DPM3: variants seen among roughly 807,000 people sequenced by gnomAD.
DPM3 encodes the protein dolichol-phosphate mannosyltransferase subunit 3.
DPM3 carries 7 observed loss-of-function variants against 8.9 expected under a neutral mutation model. The observed-to-expected ratio is 0.79, with a 90% CI of 0.45 to 1.48. The LOEUF (loss-of-function observed/expected upper bound fraction) is 1.48, where lower values mean the gene tolerates loss of function less well. DPM3 is among the 40% of genes most tolerant of loss of function. The pLI is 0.01. For synonymous variants in DPM3, 41 were observed against 56.3 expected (o/e 0.73, Z 1.22); for missense variants, 108 against 116.2 (o/e 0.93, Z 0.33).
chr1:155,140,380 T>C (rs1435040872), intron 1 of DPM3, 111 bp downstream of exon 1: 1 of 918,140 alleles, frequency 1.1e-6, no homozygotes, highest in East Asian at 2.6e-5. Context: ...AGGTCCGAAC[T>C]TGAGTGCCCA....
At position 155,140,072 on chromosome 1, in the gene DPM3, C is replaced by T; in HGVS notation, c.169G>A (p.Val57Met). The change falls in exon 2 of 2, where the codon GTG becomes ATG. Residue 57 changes from valine (V) to methionine (M), a missense_variant. By Grantham distance (21) the Val-to-Met change is conservative (BLOSUM62 1). Transcript: ENST00000368400. ...TGAAAAGTGGCCACACGATAGCCCACAGTGCCCAGGGCATAGCAGCCGGCG... is the reference window on the plus strand; with the variant it reads ...TGAAAAGTGGCCACACGATAGCCCATAGTGCCCAGGGCATAGCAGCCGGCG... Reference protein sequence around the residue: ...VSAGCYALGTVGYRVATFHDC... With the variant: ...VSAGCYALGTMGYRVATFHDC... 6.2e-7 allele frequency: 1 copy of T among 1,614,084 alleles called. No homozygotes were observed. The highest frequency in any genetic ancestry group is 2.2e-5 in the East Asian group (1 of 44,870).
Position 155,140,220 on chromosome 1 carries a change from C to G in DPM3, c.21G>C (p.Trp7Cys), listed in dbSNP as rs1444066075. MTKLAQ[W>C]LWGLAILGST... Reference sequence around the variant, plus strand: ...AGCCCAGGATCGCTAGTCCCCAAAGCCACTGCGCTAATTTCGTCATGGTCA... The same window carrying G: ...AGCCCAGGATCGCTAGTCCCCAAAGGCACTGCGCTAATTTCGTCATGGTCA... Residue 7 changes from tryptophan (W) to cysteine (C), a missense_variant, in exon 2 of 2, where the codon TGG becomes TGC. Transcript: ENST00000368400. 4 of 1,614,116 alleles carry G rather than the reference C, an allele frequency of 2.5e-6. No homozygotes were observed. In the East Asian group the frequency reaches 8.9e-5, roughly 36 times the overall value.
intron 1 of DPM3, 34 bp downstream of exon 1, chr1:155,140,457 C>G (rs1664714302): frequency 5.6e-6 from 4 of 710,370 alleles, no homozygotes; most frequent in Middle Eastern, 7.1e-4. Context: ...CCCCATCTCT[C>G]GCCCTCCCCA....
Position 155,140,528 on chromosome 1 carries a change from T to G in DPM3, c.-43A>C. On this transcript the variant is annotated 5_prime_UTR_variant, in exon 1 of 2. Coordinates refer to ENST00000368400, the MANE Select transcript of DPM3 (RefSeq NM_153741.2). ...TCTCCCCTTCCCCGCGCGGCCCGGA[T>G]GTTGGCGTCCGGAAGTCCTCCCTGG... is the stretch of plus-strand genomic sequence containing the variant. The G allele has an allele frequency of 1.6e-6, 1 of 611,868 alleles. No individual in the cohort carries two copies. 37.9% of individuals were successfully genotyped at this position (611,868 alleles called of 1,614,324 possible).
rs1029570861 is a variant in DPM3, at chr1:155,140,496, C to G, written c.-11G>C. Reference sequence around the variant, plus strand: ...AGCCTTCAACCTACACTTACCTCTACCCCACGTCTCCCCTTCCCCGCGCGG... The same window carrying G: ...AGCCTTCAACCTACACTTACCTCTAGCCCACGTCTCCCCTTCCCCGCGCGG... On this transcript the variant is annotated 5_prime_UTR_variant, in exon 1 of 2. Coordinates refer to ENST00000368400, the MANE Select transcript of DPM3 (RefSeq NM_153741.2). 3 of 654,344 alleles carry G rather than the reference C, an allele frequency of 4.6e-6. No individual in the cohort carries two copies. The Admixed American group carries it at 7.3e-5, about 16-fold the overall frequency. The allele number at this position is 654,344 out of a possible 1,614,324, so 40.5% of individuals were successfully genotyped here.
At chr1:155,140,275 A>T (rs761262436) in intron 1 of DPM3, 30 bp from the exon 2 acceptor site, 6 of 1,608,388 alleles carry the variant, frequency 3.7e-6, no homozygotes, top group Middle Eastern at 3.3e-4. Flanking sequence ...TGCTCCCCTG[A>T]GGAGCAGAAA....
chr1:155,140,503 T>C lies in DPM3; in HGVS notation c.-18A>G. 1 of 647,348 alleles carries C rather than the reference T, an allele frequency of 1.5e-6. No individual in the cohort carries two copies. The highest frequency in any genetic ancestry group is 2.8e-6 in the Non-Finnish European group (1 of 351,374). The allele number at this position is 647,348 out of a possible 1,614,324, so 40.1% of individuals were successfully genotyped here. On this transcript the variant is annotated 5_prime_UTR_variant, in exon 1 of 2. Coordinates refer to ENST00000368400, the MANE Select transcript of DPM3 (RefSeq NM_153741.2). ...AACCTACACTTACCTCTACCCCACG[T>C]CTCCCCTTCCCCGCGCGGCCCGGAT... is the stretch of plus-strand genomic sequence containing the variant.
At position 155,140,197 on chromosome 1, in the gene DPM3, C is replaced by A. The variant is rs372215837; in HGVS notation, c.44G>T (p.Gly15Val). 12 of 1,614,148 alleles carry A rather than the reference C, an allele frequency of 7.4e-6. No individual in the cohort carries two copies. The highest frequency in any genetic ancestry group is 1.0e-5 in the Non-Finnish European group (12 of 1,180,032). The change falls in exon 2 of 2, where the codon GGC becomes GTC. Residue 15 changes from glycine to valine, a missense_variant. By Grantham distance (109) the Gly-to-Val change is moderately radical. Coordinates refer to ENST00000368400, the MANE Select transcript of DPM3 (RefSeq NM_153741.2). ...AQWLWGLAIL[G>V]STWVALTTGA... Reference sequence around the variant, plus strand: ...CGTGGTCAGGGCCACCCAGGTGGAGCCCAGGATCGCTAGTCCCCAAAGCCA... The same window carrying A: ...CGTGGTCAGGGCCACCCAGGTGGAGACCAGGATCGCTAGTCCCCAAAGCCA...
At chr1:155,140,445 C>G (rs1274217687) in intron 1 of DPM3, 46 bp downstream of exon 1, 10 of 713,824 alleles carry the variant, frequency 1.4e-5, no homozygotes, top group Non-Finnish European at 2.6e-5. Flanking sequence ...TTGAGACCCA[C>G]TCCCCATCTC....
chr1:155,139,972 A>T lies in DPM3; in HGVS notation c.269T>A (p.Leu90Gln). Residue 90 changes from leucine (L) to glutamine (Q), a missense_variant, in exon 2 of 2, where the codon CTG (leucine) becomes CAG (glutamine). Coordinates refer to ENST00000368400, the MANE Select transcript of DPM3 (RefSeq NM_153741.2). ...AATGGGGTTAGGCTGTCAGAAGCGC[A>T]GCCCCCTGCGGGCTAAGTCGGCTCG... ...EARADLARRG[L>Q]RF 2 of 1,610,350 alleles carry T rather than the reference A, an allele frequency of 1.2e-6. No homozygotes were observed. Among genetic ancestry groups the T allele is most frequent in the Non-Finnish European group, 8.5e-7 (1 of 1,177,560 alleles).
In DPM3 at chr1:155,140,472, G is replaced by A. The variant is rs531934453; in HGVS notation, c.-6+19C>T. On this transcript the variant is annotated intron_variant, in intron 1 of 1. Transcript: ENST00000368400. ...CCCCATCTCTCGCCCTCCCCATTCA[G>A]CCTTCAACCTACACTTACCTCTACC... 1.6e-5 allele frequency: 11 copies of A among 704,622 alleles called. No individual in the cohort carries two copies. Among genetic ancestry groups the A allele is most frequent in the Non-Finnish European group, 2.6e-5 (10 of 380,902 alleles). The allele number at this position is 704,622 out of a possible 1,614,324, so 43.6% of individuals were successfully genotyped here.
rs1054884567 is a variant in DPM3, at chr1:155,140,336, C to T, written c.-5-91G>A. ...AGCCCGCCCACGGAGAGCATTAAAA[C>T]CAGCCCTGGCCAGAGGGGAATCGCC... On this transcript the variant is annotated intron_variant, in intron 1 of 1. Transcript: ENST00000368400. 5 of 1,377,996 alleles carry T rather than the reference C, an allele frequency of 3.6e-6. No individual in the cohort carries two copies. In the African/African-American group the frequency reaches 5.7e-5, roughly 16 times the overall value. The allele number at this position is 1,377,996 out of a possible 1,614,324, so 85.4% of individuals were successfully genotyped here.
At chr1:155,140,332 A>C (rs1664709010) in intron 1 of DPM3, 87 bp from the exon 2 acceptor site, 3 of 1,440,392 alleles carry the variant, frequency 2.1e-6, no homozygotes, top group Non-Finnish European at 2.9e-6. Context: ...GGAGAGCATT[A>C]AAACCAGCCC....
chr1:155,140,025 G>C lies in DPM3; in HGVS notation c.216C>G (p.Arg72=), dbSNP rs1280947907. The change falls in exon 2 of 2, where the codon CGC becomes CGG. Residue 72 remains arginine, a synonymous_variant. Transcript: ENST00000368400. ...CCTCCTGTATCTGGCTCTGCAGCTC[G>C]CGTGCGGCGTCCTCGCAGTCATGAA... The part of the protein sequence containing the change: ...ATFHDCEDAA[R]ELQSQIQEAR... 6.2e-7 allele frequency: 1 copy of C among 1,613,834 alleles called. No individual in the cohort carries two copies. Among genetic ancestry groups the C allele is most frequent in the African/African-American group, 1.3e-5 (1 of 74,932 alleles).
rs1346617315 is a variant in DPM3, at chr1:155,140,013, G to A, written c.228C>T (p.Ser76=). 2 of 1,613,886 alleles carry A rather than the reference G, an allele frequency of 1.2e-6. No individual in the cohort carries two copies. The highest frequency in any genetic ancestry group is 1.7e-6 in the Non-Finnish European group (2 of 1,180,016). The change falls in exon 2 of 2, where the codon AGC becomes AGT. Residue 76 remains serine (S), a synonymous_variant. Coordinates refer to ENST00000368400, the MANE Select transcript of DPM3 (RefSeq NM_153741.2). Reference sequence around the variant, plus strand: ...AGTCGGCTCGGGCCTCCTGTATCTGGCTCTGCAGCTCGCGTGCGGCGTCCT... The same window carrying A: ...AGTCGGCTCGGGCCTCCTGTATCTGACTCTGCAGCTCGCGTGCGGCGTCCT... ...DCEDAARELQ[S]QIQEARADLA...
In DPM3 at chr1:155,140,063, G is replaced by C. The variant is rs766751249; in HGVS notation, c.178C>G (p.Arg60Gly). Reference sequence around the variant, plus strand: ...TCGCAGTCATGAAAAGTGGCCACACGATAGCCCACAGTGCCCAGGGCATAG... The same window carrying C: ...TCGCAGTCATGAAAAGTGGCCACACCATAGCCCACAGTGCCCAGGGCATAG... ...GCYALGTVGY[R>G]VATFHDCEDA... is the part of the protein sequence containing the mutation. Residue 60 changes from arginine (R) to glycine (G), a missense_variant, in exon 2 of 2, where the codon CGT (arginine) becomes GGT (glycine). Coordinates refer to ENST00000368400, the MANE Select transcript of DPM3 (RefSeq NM_153741.2). 6.2e-6 allele frequency: 10 copies of C among 1,613,934 alleles called. No individual in the cohort carries two copies. The highest frequency in any genetic ancestry group is 1.3e-5 in the African/African-American group (1 of 74,928).
intron 1 of DPM3, 61 bp from the exon 2 acceptor site, chr1:155,140,306 A>C: frequency 1.3e-6 from 2 of 1,562,966 alleles, no homozygotes; most frequent in Non-Finnish European, 1.8e-6. Flanking sequence ...ACCAAACTCA[A>C]CCGAAGCCCG....
rs758221729 is a variant in DPM3, at chr1:155,140,202, G to A, written c.39C>T (p.Ile13=). 2.5e-5 allele frequency: 40 copies of A among 1,614,166 alleles called. No individual in the cohort carries two copies. Among genetic ancestry groups the A allele is most frequent in the South Asian group, 1.2e-4 (11 of 91,082 alleles). ...KLAQWLWGLA[I]LGSTWVALTT... ...TCAGGGCCACCCAGGTGGAGCCCAG[G>A]ATCGCTAGTCCCCAAAGCCACTGCG... Residue 13 remains isoleucine (I), a synonymous_variant, in exon 2 of 2, where the codon ATC becomes ATT. Coordinates refer to ENST00000368400, the MANE Select transcript of DPM3 (RefSeq NM_153741.2).
chr1:155,140,347 C>A (rs769012553), intron 1 of DPM3, 102 bp from the exon 2 acceptor site: 2 of 1,309,418 alleles, frequency 1.5e-6, no homozygotes, highest in East Asian at 2.4e-5. Flanking sequence ...CAGCCCTGGC[C>A]AGAGGGGAAT....
Sources: allele counts gnomAD v4.1 joint callset, GRCh38; gene constraint gnomAD v4.1.1; transcripts MANE v1.5; gene names NCBI Gene and HGNC (gene_info 2026-07-23, HGNC 2026-07-21).